CADPS2: variants seen among roughly 807,000 people sequenced by gnomAD.
CADPS2 encodes the protein calcium dependent secretion activator 2.
In CADPS2, 93 loss-of-function variants were observed where a neutral mutation model predicts 172.5. The ratio of observed to expected loss-of-function variants is 0.54; its 90% CI spans 0.46 to 0.64. CADPS2 has a LOEUF of 0.64. Ranked by LOEUF, CADPS2 falls within the 30% of genes least tolerant of loss-of-function variation. The probability of loss-of-function intolerance (pLI) is 0.00; values close to 1 mark genes in which losing one functional copy is unlikely to be tolerated. For synonymous variants in CADPS2, 546 were observed against 555.2 expected (o/e 0.98, Z 0.23); for missense variants, 1,420 against 1,565.9 (o/e 0.91, Z 1.57).
chr7:122,601,375 A>G (rs1480590604), intron 6 of CADPS2, among the ~76,000 whole-genome samples: 1 of 152,056 alleles, frequency 6.6e-6, no homozygotes, highest in Non-Finnish European at 1.5e-5. Context: ...TTATAAGCCA[A>G]AAGACTTCAC....
At chr7:122,672,870 C>A (rs555895437) in intron 2 of CADPS2, among the ~76,000 whole-genome samples, 51 of 152,336 alleles carry the variant, frequency 3.3e-4, no homozygotes, top group African/African-American at 1.2e-3. Context: ...TTGCTGACTT[C>A]AATAATGAAG....
chr7:122,386,960 G>C, intron 24 of CADPS2, 66 bp downstream of exon 24: 3 of 1,488,938 alleles, frequency 2.0e-6, no homozygotes, highest in South Asian at 2.6e-5. Flanking sequence ...AATGCCTTGT[G>C]GAAAGGGCAT....
chr7:122,552,796 T>G (rs2064487486), intron 8 of CADPS2, among the ~76,000 whole-genome samples: 1 of 150,436 alleles, frequency 6.6e-6, no homozygotes. Context: ...TTTTTTTTAT[T>G]ATTGTGCCAT....
chr7:122,493,296 T>C (rs1185840653), intron 9 of CADPS2, among the ~76,000 whole-genome samples: 1 of 152,136 alleles, frequency 6.6e-6, no homozygotes, highest in Non-Finnish European at 1.5e-5. Flanking sequence ...AAAGAGAGGT[T>C]TGAGGAAGTG....
chr7:122,771,366 G>T (rs1477208128), intron 1 of CADPS2, among the ~76,000 whole-genome samples: 2 of 152,132 alleles, frequency 1.3e-5, no homozygotes, highest in African/African-American at 4.8e-5. Flanking sequence ...GTAAGCTATG[G>T]TTACTACTAT....
intron 17 of CADPS2, among the ~76,000 whole-genome samples, chr7:122,432,860 T>C (rs1585980346): frequency 6.6e-6 from 1 of 152,004 alleles, no homozygotes; most frequent in East Asian, 1.9e-4. Context: ...TCACATGTAA[T>C]TGATATTTTC....
chr7:122,734,357 A>T (rs1296132420), intron 2 of CADPS2, among the ~76,000 whole-genome samples: 2 of 28,004 alleles, frequency 7.1e-5, no homozygotes, highest in East Asian at 6.6e-4. Context: ...CAGAAATAGT[A>T]AAAAAAAAAA....
intron 14 of CADPS2, among the ~76,000 whole-genome samples, chr7:122,453,920 C>A (rs938112433): frequency 1.3e-5 from 2 of 152,150 alleles, no homozygotes; most frequent in Non-Finnish European, 2.9e-5. Flanking sequence ...GAGTTTATCA[C>A]TAAATTAGGT....
At chr7:122,657,045 G>A (rs1182869646) in intron 3 of CADPS2, among the ~76,000 whole-genome samples, 1 of 152,052 alleles carries the variant, frequency 6.6e-6, no homozygotes, top group African/African-American at 2.4e-5. Flanking sequence ...AGTTTTCCCA[G>A]CACCATTTAT....
chr7:122,342,447 T>C (rs1343021279), intron 28 of CADPS2, among the ~76,000 whole-genome samples: 3 of 152,210 alleles, frequency 2.0e-5, no homozygotes, highest in Non-Finnish European at 4.4e-5. Context: ...AGGTCAGGGA[T>C]ACTGTGAGTA....
At chr7:122,525,771 CT>C (rs1309325802) in intron 8 of CADPS2, among the ~76,000 whole-genome samples, 1 of 152,134 alleles carries the variant, frequency 6.6e-6, no homozygotes, top group African/African-American at 2.4e-5. Flanking sequence ...GAGTTATTAA[CT>C]GGTTATTATA....
intron 3 of CADPS2, among the ~76,000 whole-genome samples, chr7:122,649,898 A>ATTTTTTTTTT (rs71531909): frequency 0.055 from 2,855 of 51,972 alleles, 818 homozygotes; most frequent in East Asian, 0.097. Flanking sequence ...GTATTCAATG[A>ATTTTTTTTTT]TTTTTTTTTT....
intron 17 of CADPS2, among the ~76,000 whole-genome samples, chr7:122,425,545 A>G (rs2049058373): frequency 6.6e-6 from 1 of 151,710 alleles, no homozygotes; most frequent in South Asian, 2.1e-4. Flanking sequence ...GGCAGAGGCT[A>G]CGGTGAGCTG....
chr7:122,407,794 G>T, intron 19 of CADPS2, 98 bp from the exon 20 acceptor site: 1 of 1,187,186 alleles, frequency 8.4e-7, no homozygotes, highest in Non-Finnish European at 1.2e-6. Context: ...ACATGTCTTA[G>T]TTTCACAAAC....
intron 14 of CADPS2, among the ~76,000 whole-genome samples, chr7:122,467,318 A>G (rs1232453045): frequency 6.6e-6 from 1 of 152,158 alleles, no homozygotes; most frequent in Non-Finnish European, 1.5e-5. Flanking sequence ...ACTTTTGATG[A>G]TCCTACGTGA....
At chr7:122,516,700 T>G (rs951833770) in intron 8 of CADPS2, among the ~76,000 whole-genome samples, 14 of 152,122 alleles carry the variant, frequency 9.2e-5, no homozygotes, top group Admixed American at 8.5e-4. Flanking sequence ...GGAAAATTCT[T>G]ATAATGTTAG....
intron 8 of CADPS2, among the ~76,000 whole-genome samples, chr7:122,538,195 T>C (rs1014999577): frequency 3.3e-5 from 5 of 151,390 alleles, no homozygotes; most frequent in Non-Finnish European, 7.4e-5. Context: ...AAAAAATTAC[T>C]GTCCAACTGA....
At chr7:122,569,029 A>G (rs10256514) in intron 7 of CADPS2, among the ~76,000 whole-genome samples, 1,825 of 152,256 alleles carry the variant, frequency 0.012, 34 homozygotes, top group African/African-American at 0.041. Context: ...AGTTCTGGCC[A>G]GGGCAATTAG....
chr7:122,738,514 G>T (rs1315421407), intron 1 of CADPS2, among the ~76,000 whole-genome samples: 1 of 151,636 alleles, frequency 6.6e-6, no homozygotes, highest in East Asian at 1.9e-4. Flanking sequence ...CATTTCATTC[G>T]ATCCTGATCA....
Sources: allele counts gnomAD v4.1 joint callset (sites outside exome capture counted in the v4.1 genomes callset), GRCh38; gene constraint gnomAD v4.1.1; transcripts MANE v1.5; gene names NCBI Gene and HGNC (gene_info 2026-07-23, HGNC 2026-07-21).